The following EXOC5 variants were observed in gnomAD, a reference collection of about 807,000 sequenced individuals.
EXOC5 encodes SEC10-like 1.
In EXOC5, 17 loss-of-function variants were observed where a neutral mutation model predicts 90.8. That is an observed-to-expected ratio of 0.19 (90% confidence interval 0.13 to 0.28). The LOEUF is 0.28. Among genes scored for constraint, EXOC5 ranks in the 10% least tolerant of loss-of-function variants. The probability of loss-of-function intolerance (pLI) is 1.00; values close to 1 mark genes in which losing one functional copy is unlikely to be tolerated. For synonymous variants in EXOC5, 260 were observed against 270.0 expected, an observed-to-expected ratio of 0.96 and a Z score of 0.36; for missense variants, 569 against 830.6, an observed-to-expected ratio of 0.69 and a Z score of 3.87.
chr14:57,243,864 T>C (rs1436314880), intron 4 of EXOC5, among the ~76,000 whole-genome samples: 8 of 152,112 alleles, frequency 5.3e-5, no homozygotes, highest in Non-Finnish European at 8.8e-5. Context: ...AGAAATTCTG[T>C]TAATATTGAA....
intron 1 of EXOC5, among the ~76,000 whole-genome samples, chr14:57,249,541 AT>A (rs1338683566): frequency 6.6e-6 from 1 of 152,192 alleles, no homozygotes; most frequent in Non-Finnish European, 1.5e-5. Context: ...AAAATATAGT[AT>A]TCCTTCATTC....
intron 7 of EXOC5, among the ~76,000 whole-genome samples, chr14:57,234,641 C>T (rs1883603189): frequency 6.7e-6 from 1 of 150,208 alleles, no homozygotes; most frequent in Non-Finnish European, 1.5e-5. Context: ...TCTTGGCTAA[C>T]TACAACCTCT....
chr14:57,210,886 AC>A (rs1882807210), intron 15 of EXOC5, among the ~76,000 whole-genome samples: 1 of 152,136 alleles, frequency 6.6e-6, no homozygotes, highest in Admixed American at 6.6e-5. Flanking sequence ...TTCAGTCTCC[AC>A]CTACCATGCT....
chr14:57,231,211 G>T (rs1486908048), intron 11 of EXOC5, among the ~76,000 whole-genome samples: 1 of 151,902 alleles, frequency 6.6e-6, no homozygotes, highest in African/African-American at 2.4e-5. Flanking sequence ...GTTTCACCAC[G>T]TTGGCCAGGC....
chr14:57,231,533 T>A lies in EXOC5; in HGVS notation c.1121A>T (p.His374Leu). The change falls in exon 11 of 18, where the codon CAT becomes CTT. Residue 374 changes from histidine (H) to leucine (L), a missense_variant. Physicochemically the swap from His to Leu is moderately conservative, Grantham distance 99 (BLOSUM62 -3). Coordinates refer to ENST00000621441, the MANE Select transcript of EXOC5 (RefSeq NM_006544.4). ...ILQRYYDSKN[H>L]QKRSIGTGGI... ...TCCTGTGCCAATGGATCTCTTTTGA[T>A]GGTTTTTCGAATCATAATAGCGCTG... 1.2e-6 allele frequency: 2 copies of A among 1,611,456 alleles called. No homozygotes were observed. The highest frequency in any genetic ancestry group is 1.7e-6 in the Non-Finnish European group (2 of 1,179,592).
chr14:57,207,436 C>T lies in EXOC5; in HGVS notation c.*1173G>A. The T allele has an allele frequency of 6.6e-6, 1 of 152,362 alleles. No individual in the cohort carries two copies. Among genetic ancestry groups the T allele is most frequent in the East Asian group, 1.9e-4 (1 of 5,192 alleles). The allele number at this position is 152,362 out of a possible 1,614,324, so 9.4% of individuals were successfully genotyped here. ...TATAAGGTTTATAGAATAGTAATGG[C>T]CTTTCTAAATTTTCACTTGATATTT... is the stretch of plus-strand genomic sequence containing the variant. On this transcript the variant is annotated 3_prime_UTR_variant, in exon 18 of 18. Coordinates refer to ENST00000621441, the MANE Select transcript of EXOC5 (RefSeq NM_006544.4).
intron 1 of EXOC5, among the ~76,000 whole-genome samples, chr14:57,251,959 T>A (rs965549572): frequency 6.6e-6 from 1 of 151,986 alleles, no homozygotes; most frequent in African/African-American, 2.4e-5. Flanking sequence ...ATAACCTAGA[T>A]GAAATAGAAA....
At chr14:57,266,966 C>G (rs1463231028) in intron 1 of EXOC5, among the ~76,000 whole-genome samples, 1 of 152,030 alleles carries the variant, frequency 6.6e-6, no homozygotes, top group Non-Finnish European at 1.5e-5. Context: ...GCAGGATTAA[C>G]TCAAAGGATA....
At chr14:57,252,656 G>A (rs573931765) in intron 1 of EXOC5, among the ~76,000 whole-genome samples, 1 of 152,210 alleles carries the variant, frequency 6.6e-6, no homozygotes, top group East Asian at 1.9e-4. Context: ...AAAATGTGGA[G>A]AAAAAGGGAA....
chr14:57,246,888 A>C (rs1415303663), intron 2 of EXOC5, 30 bp from the exon 3 acceptor site: 1 of 1,341,504 alleles, frequency 7.5e-7, no homozygotes, highest in African/African-American at 1.5e-5. Context: ...ATATGTATCA[A>C]TCTACCTATT....
intron 6 of EXOC5, among the ~76,000 whole-genome samples, chr14:57,237,027 A>G (rs61523557): frequency 9.6e-4 from 146 of 152,294 alleles, no homozygotes; most frequent in African/African-American, 3.2e-3. Context: ...TATGGTAGCA[A>G]TTATTTAAAA....
intron 1 of EXOC5, among the ~76,000 whole-genome samples, chr14:57,250,545 C>T (rs1884160286): frequency 6.6e-6 from 1 of 152,150 alleles, no homozygotes; most frequent in Non-Finnish European, 1.5e-5. Context: ...GGCACTGGCA[C>T]CTGATTGACC....
intron 1 of EXOC5, among the ~76,000 whole-genome samples, chr14:57,254,813 G>A (rs540861501): frequency 5.0e-4 from 76 of 152,120 alleles, no homozygotes; most frequent in Non-Finnish European, 8.5e-4. Context: ...AAAGTGAGAC[G>A]GTGGTGCCTA....
At position 57,201,060 on chromosome 14, in the gene EXOC5, C is replaced by CA. The variant is rs1411620513; in HGVS notation, c.*7548dup. ...GCGTGAGTGTGTGTGTGTGTATGCA[C>CA]ACATAAAGCCCCCTAGCATTATCTA... On this transcript the variant is annotated 3_prime_UTR_variant, in exon 18 of 18. Transcript: ENST00000621441. The CA allele has an allele frequency of 2.0e-5, 3 of 152,052 alleles. No homozygotes were observed. Among genetic ancestry groups the CA allele is most frequent in the Admixed American group, 2.0e-4 (3 of 15,272 alleles). The allele number at this position is 152,052 out of a possible 1,614,324, so 9.4% of individuals were successfully genotyped here.
intron 1 of EXOC5, among the ~76,000 whole-genome samples, chr14:57,259,174 A>G (rs2139667946): frequency 6.6e-6 from 1 of 152,070 alleles, no homozygotes; most frequent in East Asian, 1.9e-4. Context: ...CAGTGGTACA[A>G]TCTCGGCTCC....
intron 1 of EXOC5, among the ~76,000 whole-genome samples, chr14:57,265,934 A>C (rs1884657919): frequency 6.6e-6 from 1 of 152,228 alleles, no homozygotes; most frequent in African/African-American, 2.4e-5. Flanking sequence ...CTATTACAAT[A>C]GCCAAATCAT....
rs1384735034 is a variant in EXOC5, at chr14:57,201,511, T to C, written c.*7098A>G. ...AAACACACGTGTATATACACACACATATGTATATATATACACACACACCAC... is the reference window on the plus strand; with the variant it reads ...AAACACACGTGTATATACACACACACATGTATATATATACACACACACCAC... On this transcript the variant is annotated 3_prime_UTR_variant, in exon 18 of 18. Coordinates refer to ENST00000621441, the MANE Select transcript of EXOC5 (RefSeq NM_006544.4). 4 of 142,280 alleles carry C rather than the reference T, an allele frequency of 2.8e-5. No homozygotes were observed. The highest frequency in any genetic ancestry group is 4.5e-5 in the Non-Finnish European group (3 of 66,818). The allele number at this position is 142,280 out of a possible 1,614,324, so 8.8% of individuals were successfully genotyped here.
intron 1 of EXOC5, among the ~76,000 whole-genome samples, chr14:57,257,391 C>T (rs918079461): frequency 2.6e-5 from 4 of 152,094 alleles, no homozygotes; most frequent in African/African-American, 7.2e-5. Flanking sequence ...TTTTACTACA[C>T]GGAAGAAGCT....
rs1185322351 is a variant in EXOC5, at chr14:57,207,156, A to T, written c.*1453T>A. The T allele has an allele frequency of 6.6e-6, 1 of 152,490 alleles. No homozygotes were observed. The highest frequency in any genetic ancestry group is 1.9e-4 in the East Asian group (1 of 5,194). 9.4% of individuals were successfully genotyped at this position (152,490 alleles called of 1,614,324 possible). On this transcript the variant is annotated 3_prime_UTR_variant, in exon 18 of 18. Transcript: ENST00000621441. ...ACTGGACTAAACAGAAAATGAAGAA[A>T]ATTCAGTCAATAGTAACTTAAACAG...
Sources: gnomAD v4.1 joint callset for allele counts (sites outside exome capture counted in the v4.1 genomes callset) on GRCh38, gnomAD v4.1.1 for gene constraint, MANE v1.5 for transcripts, NCBI Gene and HGNC (gene_info 2026-07-23, HGNC 2026-07-21) for gene names.